The following ZNF343 variants were observed in gnomAD, a reference collection of about 807,000 sequenced individuals.
ZNF343 encodes the protein zinc finger protein 343.
In ZNF343, 11 loss-of-function variants were observed where a neutral mutation model predicts 13.8. That is an observed-to-expected ratio of 0.80 (90% confidence interval 0.50 to 1.32). The LOEUF (loss-of-function observed/expected upper bound fraction) is 1.32. Among genes scored for constraint, ZNF343 ranks in the 40% most tolerant of loss-of-function variants. ZNF343 has a pLI of 0.00. For missense variants in ZNF343, 658 were observed against 714.2 expected (o/e 0.92, Z 0.90); for synonymous variants, 248 against 260.0 (o/e 0.95, Z 0.44).
At chr20:2,501,679 G>A (rs6083477) in intron 1 of ZNF343, among the ~76,000 whole-genome samples, 38,612 of 152,114 alleles carry the variant, frequency 0.25, 5,991 homozygotes, top group Non-Finnish European at 0.35. Flanking sequence ...TGCAGCCTCC[G>A]CTGCTGATAC....
upstream of ZNF343, among the ~76,000 whole-genome samples, chr20:2,513,824 C>T (rs2085748349): frequency 6.6e-6 from 1 of 152,172 alleles, no homozygotes; most frequent in South Asian, 2.1e-4. Flanking sequence ...TATGGTATAA[C>T]ATGGATGAAC....
chr20:2,483,854 G>T lies in ZNF343; in HGVS notation c.1107C>A (p.Ile369=). The T allele has an allele frequency of 6.2e-7, 1 of 1,613,970 alleles. No individual in the cohort carries two copies. The highest frequency in any genetic ancestry group is 8.5e-7 in the Non-Finnish European group (1 of 1,179,934). The change falls in exon 6 of 6, where the codon ATC becomes ATA. Residue 369 remains isoleucine (I), a synonymous_variant. Transcript: ENST00000278772. ...GRGFSEKSSF[I]RHQRTHSGEK... ...CACCGGAGTGTGTCCTCTGGTGTCT[G>T]ATGAAGGATGACTTCTCGCTAAAGC...
Position 2,483,550 on chromosome 20 carries a change from C to T in ZNF343, c.1411G>A (p.Gly471Ser). ...GEKPYVCGEC[G>S]RGFSRKSLLL... ...AGTGATTTCCGACTAAAGCCTCGGCCACACTCACCACACACATAAGGCTTC... is the reference window on the plus strand; with the variant it reads ...AGTGATTTCCGACTAAAGCCTCGGCTACACTCACCACACACATAAGGCTTC... The change falls in exon 6 of 6, where the codon GGC (glycine) becomes AGC (serine). Residue 471 changes from glycine (G) to serine (S), a missense_variant. Transcript: ENST00000278772. The T allele has an allele frequency of 1.2e-6, 2 of 1,612,858 alleles. No homozygotes were observed. Among genetic ancestry groups the T allele is most frequent in the South Asian group, 2.2e-5 (2 of 91,006 alleles).
chr20:2,513,407 C>T, upstream of ZNF343, among the ~76,000 whole-genome samples: 1 of 152,068 alleles, frequency 6.6e-6, no homozygotes, highest in African/African-American at 2.4e-5. Flanking sequence ...CAAACTAAAA[C>T]CATAATAAAA....
chr20:2,517,686 T>C (rs1354762901), intron 1 of ZNF343, among the ~76,000 whole-genome samples: 1 of 151,592 alleles, frequency 6.6e-6, no homozygotes, highest in African/African-American at 2.4e-5. Flanking sequence ...TTTTTTTTTT[T>C]TGTAGAGATG....
upstream of ZNF343, chr20:2,509,188 A>G (rs1600080548): frequency 6.6e-6 from 1 of 152,270 alleles, no homozygotes; most frequent in African/African-American, 2.4e-5. Flanking sequence ...GCTGGGGTCA[A>G]CGAGAGAAGT....
intron 5 of ZNF343, among the ~76,000 whole-genome samples, chr20:2,489,207 G>T (rs893902611): frequency 6.6e-6 from 1 of 152,130 alleles, no homozygotes; most frequent in Non-Finnish European, 1.5e-5. Context: ...GTGATATTTA[G>T]AATTAACTTT....
At chr20:2,509,178 G>A (rs2085719953), upstream of ZNF343, 1 of 152,256 alleles carries the variant, frequency 6.6e-6, no homozygotes, top group South Asian at 2.1e-4. Flanking sequence ...GCTTCCGGAA[G>A]CTGGGGTCAA....
At chr20:2,509,216 T>G (rs1341081461), upstream of ZNF343, 1 of 152,238 alleles carries the variant, frequency 6.6e-6, no homozygotes, top group Admixed American at 6.5e-5. Flanking sequence ...GATTGGCGAA[T>G]CTAGCGGGAG....
intron 2 of ZNF343, among the ~76,000 whole-genome samples, chr20:2,498,121 C>T (rs1415689122): frequency 6.6e-6 from 1 of 152,200 alleles, no homozygotes; most frequent in East Asian, 1.9e-4. Flanking sequence ...TTTTGGGAGG[C>T]TGAGGCGGGT....
chr20:2,524,511 C>T (rs7266421), exon 1 of ZNF343: 15,388 of 152,684 alleles, frequency 0.1, 1,574 homozygotes, highest in African/African-American at 0.26. Context: ...CCTGCCCCTG[C>T]CCCGAATCGC....
chr20:2,485,293 C>T (rs926362929), intron 5 of ZNF343, among the ~76,000 whole-genome samples: 11 of 152,290 alleles, frequency 7.2e-5, no homozygotes, highest in Admixed American at 3.9e-4. Flanking sequence ...GCCAAAACAA[C>T]AAAATCTGCC....
At chr20:2,499,836 G>C (rs1227064767) in intron 2 of ZNF343, among the ~76,000 whole-genome samples, 5 of 152,268 alleles carry the variant, frequency 3.3e-5, no homozygotes, top group Non-Finnish European at 7.4e-5. Context: ...CTGAATTCCA[G>C]ATACTTCTCC....
At chr20:2,494,386 CTCTGACTGTTT>C (rs1426056485) in intron 2 of ZNF343, among the ~76,000 whole-genome samples, 1 of 152,086 alleles carries the variant, frequency 6.6e-6, no homozygotes, top group Non-Finnish European at 1.5e-5. Context: ...GAGAAAGAGC[CTCTGACTGTTT>C]CCTGTAGACC....
intron 4 of ZNF343, 92 bp from the exon 5 acceptor site, chr20:2,492,917 TG>T: frequency 6.5e-7 from 1 of 1,542,500 alleles, no homozygotes; most frequent in Non-Finnish European, 8.8e-7. Flanking sequence ...AGCCTGGATA[TG>T]CAAGTTGATG....
In ZNF343 at chr20:2,523,832, C is replaced by T. The variant is rs536624051; in HGVS notation, c.-347+623G>A. On this transcript the variant is annotated intron_variant, in intron 1 of 6. Coordinates refer to the ZNF343 transcript ENST00000358413. Reference sequence around the variant, plus strand: ...AGTAGCTGGGATTACAGGGGCCCACCACCACGCCTGGCTAAGAATTCTTTC... The same window carrying T: ...AGTAGCTGGGATTACAGGGGCCCACTACCACGCCTGGCTAAGAATTCTTTC... 2.8e-4 allele frequency among the ~76,000 whole-genome samples: 43 copies of T among 152,052 alleles called. No individual in the cohort carries two copies. The South Asian group carries it at 3.9e-3, about 14-fold the overall frequency.
chr20:2,485,200 A>G (rs1225900184), intron 5 of ZNF343, among the ~76,000 whole-genome samples: 1 of 152,222 alleles, frequency 6.6e-6, no homozygotes, highest in Non-Finnish European at 1.5e-5. Flanking sequence ...AAAATGCCAA[A>G]GTACTAGGTT....
chr20:2,516,507 TGA>T (rs2085760072), intron 1 of ZNF343, among the ~76,000 whole-genome samples: 1 of 151,968 alleles, frequency 6.6e-6, no homozygotes, highest in Non-Finnish European at 1.5e-5. Flanking sequence ...AGCGTGGGCA[TGA>T]GAGTGAGATC....
chr20:2,509,848 A>G (rs2085727568), upstream of ZNF343, among the ~76,000 whole-genome samples: 1 of 152,176 alleles, frequency 6.6e-6, no homozygotes, highest in Non-Finnish European at 1.5e-5. Flanking sequence ...GGGGAAATAA[A>G]CCTGACCTCA....
Sources: gnomAD v4.1 joint callset for allele counts (sites outside exome capture counted in the v4.1 genomes callset) on GRCh38, gnomAD v4.1.1 for gene constraint, MANE v1.5 for transcripts, NCBI Gene and HGNC (gene_info 2026-07-23, HGNC 2026-07-21) for gene names.